Variants in SLC26A7 observed in about 807,000 individuals in gnomAD.
SLC26A7 encodes anion exchange transporter.
A neutral mutation model predicts 82.5 loss-of-function variants in SLC26A7; 59 were observed. The ratio of observed to expected loss-of-function variants is 0.72; its 90% CI spans 0.58 to 0.89. The LOEUF is 0.89. SLC26A7 is among the 40% of genes least tolerant of loss of function. The probability of loss-of-function intolerance (pLI) is 0.00; values close to 1 mark genes in which losing one functional copy is unlikely to be tolerated. For synonymous variants in SLC26A7, 271 were observed against 274.3 expected (o/e 0.99, Z 0.12); for missense variants, 820 against 793.0 (o/e 1.03, Z -0.41).
At position 91,239,403 on chromosome 8, in the gene SLC26A7, T is replaced by A. The variant is rs1480749513; in HGVS notation, c.-33-10216T>A. ...AAAAAAAAAAAAAAAAAAATATATA[T>A]ATATATATGTATATGTATATATATG... On this transcript the variant is annotated intron_variant, in intron 2 of 5. Transcript: ENST00000522862. Among the ~76,000 whole-genome samples the A allele has an allele frequency of 5.3e-3, 535 of 100,346 alleles. 2 individuals carry two copies. Among genetic ancestry groups the A allele is most frequent in the African/African-American group, 0.018 (501 of 27,910 alleles). 65.8% of individuals were successfully genotyped at this position (100,346 alleles called of 152,430 possible).
rs1412979788 is a variant in SLC26A7, at chr8:91,351,883, C to T, written c.1214C>T (p.Pro405Leu). The T allele has an allele frequency of 6.2e-7, 1 of 1,606,792 alleles. No homozygotes were observed. ...ATAGGACCTTTGCTTTACTGGCTGC[C>T]CATGGTACGGTAGTGCTTTTTCACT... ...YAIGPLLYWLPMCVLASIIVV... is the reference protein window; with the variant it reads ...YAIGPLLYWLLMCVLASIIVV... Residue 405 changes from proline to leucine, a missense_variant, in exon 10 of 19, where the codon CCC (proline) becomes CTC (leucine). Pro to Leu is a moderately conservative substitution (Grantham distance 98, BLOSUM62 -3). Transcript: ENST00000276609.
intron 11 of SLC26A7, among the ~76,000 whole-genome samples, chr8:91,355,652 T>G (rs527916091): frequency 6.6e-6 from 1 of 152,222 alleles, no homozygotes; most frequent in East Asian, 1.9e-4. Context: ...CTTTGAATTT[T>G]TATATTTAAG....
chr8:91,309,210 C>A (rs1812407587), intron 4 of SLC26A7, among the ~76,000 whole-genome samples: 1 of 151,766 alleles, frequency 6.6e-6, no homozygotes, highest in African/African-American at 2.4e-5. Context: ...CTTGAGCCCA[C>A]TGCCCAACTC....
At chr8:91,363,386 T>A (rs1255328977) in intron 12 of SLC26A7, 86 bp from the exon 13 acceptor site, 2 of 741,068 alleles carry the variant, frequency 2.7e-6, no homozygotes, top group Admixed American at 5.4e-5. Flanking sequence ...ACATTCTAGT[T>A]ATTAAATGAC....
rs140572740 is a variant in SLC26A7 at position 91,237,630 on chromosome 8, T to C, written c.-33-11989T>C. 3.9e-3 allele frequency among the ~76,000 whole-genome samples: 594 copies of C among 152,246 alleles called. 3 individuals carry two copies. The highest frequency in any genetic ancestry group is 5.9e-3 in the Non-Finnish European group (404 of 68,012). ...TCACTCTTTTTCTCTCTACCGTGTC[T>C]TTTCCTCCTCTATAAACATGATTAG... On this transcript the variant is annotated intron_variant, in intron 2 of 5. Transcript: ENST00000522862.
chr8:91,313,932 T>C (rs1812558057), intron 4 of SLC26A7, among the ~76,000 whole-genome samples: 1 of 152,330 alleles, frequency 6.6e-6, no homozygotes, highest in African/African-American at 2.4e-5. Context: ...ATTTGAAAGC[T>C]ACTTGCAAGA....
chr8:91,345,204 C>T (rs746269702), intron 9 of SLC26A7, among the ~76,000 whole-genome samples: 58 of 152,202 alleles, frequency 3.8e-4, no homozygotes, highest in Middle Eastern at 3.4e-3. Context: ...CAACCTCTGA[C>T]TCCCAGTGTT....
chr8:91,325,732 G>A (rs768139047), intron 5 of SLC26A7, among the ~76,000 whole-genome samples: 17 of 152,110 alleles, frequency 1.1e-4, no homozygotes, highest in Non-Finnish European at 7.4e-5. Flanking sequence ...CATAACCCAA[G>A]GGAAAAGGAA....
chr8:91,352,783 G>A (rs1333535904), intron 10 of SLC26A7, 118 bp from the exon 11 acceptor site: 6 of 678,650 alleles, frequency 8.8e-6, no homozygotes, highest in Non-Finnish European at 9.7e-6. Context: ...CTTCTAATCG[G>A]TGATTGCTTT....
chr8:91,250,640 A>C (rs1450924693), intron 2 of SLC26A7, among the ~76,000 whole-genome samples: 2 of 152,154 alleles, frequency 1.3e-5, no homozygotes, highest in South Asian at 2.1e-4. Context: ...CTGAACCTTG[A>C]GAATTTAGAG....
rs369601870 is a variant in SLC26A7, at chr8:91,389,432, T to C, written c.1770T>C (p.Leu590=). Residue 590 remains leucine, a synonymous_variant, in exon 16 of 19, where the codon CTT becomes CTC. Coordinates refer to ENST00000276609, the MANE Select transcript of SLC26A7 (RefSeq NM_052832.4). ...TTGACTATTCTGGAGTCTCCATGCT[T>C]GTTGAGGTATTTATGGAACTTGTGT... ...TFFDYSGVSM[L]VEVYMDCKGR... The C allele has an allele frequency of 3.2e-5, 52 of 1,609,900 alleles. No homozygotes were observed. Among genetic ancestry groups the C allele is most frequent in the Non-Finnish European group, 4.1e-5 (48 of 1,176,316 alleles).
upstream of SLC26A7, among the ~76,000 whole-genome samples, chr8:91,247,914 G>A (rs977326483): frequency 2.0e-5 from 3 of 151,990 alleles, no homozygotes; most frequent in Non-Finnish European, 4.4e-5. Context: ...TTATTATAAA[G>A]GTAATACATA....
intron 15 of SLC26A7, among the ~76,000 whole-genome samples, chr8:91,371,386 A>T (rs1814356815): frequency 6.6e-6 from 1 of 151,616 alleles, no homozygotes; most frequent in South Asian, 2.1e-4. Context: ...CTTTCTCCTC[A>T]TTTCCTACCC....
At chr8:91,282,873 A>G (rs1207652552) in intron 2 of SLC26A7, among the ~76,000 whole-genome samples, 1 of 152,100 alleles carries the variant, frequency 6.6e-6, no homozygotes, top group Non-Finnish European at 1.5e-5. Flanking sequence ...CATTTCTTCT[A>G]CCTAAATTTG....
chr8:91,241,789 C>T (rs1295297324), intron 2 of SLC26A7, among the ~76,000 whole-genome samples: 12 of 152,232 alleles, frequency 7.9e-5, no homozygotes, highest in South Asian at 4.1e-4. Context: ...TCCCCTACTT[C>T]GCACATAAAA....
At chr8:91,239,389 A>T (rs1410523991) in intron 2 of SLC26A7, among the ~76,000 whole-genome samples, 3,114 of 105,326 alleles carry the variant, frequency 0.03, 42 homozygotes, top group Middle Eastern at 0.05. Context: ...AAAAAAAAAA[A>T]AAAAAAATAT....
intron 6 of SLC26A7, among the ~76,000 whole-genome samples, chr8:91,337,804 A>G (rs2130836319): frequency 6.6e-6 from 1 of 152,262 alleles, no homozygotes; most frequent in East Asian, 1.9e-4. Context: ...GTATCATGGG[A>G]GGCAAGTATT....
At chr8:91,246,843 C>T (rs903294348), upstream of SLC26A7, among the ~76,000 whole-genome samples, 7 of 152,162 alleles carry the variant, frequency 4.6e-5, no homozygotes, top group Non-Finnish European at 7.4e-5. Context: ...TCTGAGCTCC[C>T]GTATGACTTA....
rs189529781 is a variant in SLC26A7, at chr8:91,378,888, G to A, written c.1675+9055G>A. On this transcript the variant is annotated intron_variant, in intron 15 of 18. Transcript: ENST00000276609. ...AATTAAAAGGAAAAGAGGAAAACTC[G>A]TATCATTCACACATGAAATAATTGT... Among the ~76,000 whole-genome samples, 176 of 151,920 alleles carry A rather than the reference G, an allele frequency of 1.2e-3. 1 individual carries two copies. The highest frequency in any genetic ancestry group is 4.0e-3 in the African/African-American group (168 of 41,484).
Sources: gnomAD v4.1 joint callset for allele counts (sites outside exome capture counted in the v4.1 genomes callset) on GRCh38, gnomAD v4.1.1 for gene constraint, MANE v1.5 for transcripts, NCBI Gene and HGNC (gene_info 2026-07-23, HGNC 2026-07-21) for gene names.